PDGFC: variants seen among roughly 807,000 people sequenced by gnomAD.
The protein encoded by PDGFC is platelet derived growth factor C.
A neutral mutation model predicts 35.5 loss-of-function variants in PDGFC; 12 were observed. The ratio of observed to expected loss-of-function variants is 0.34; its 90% CI spans 0.22 to 0.55. The LOEUF is 0.55. Ranked by LOEUF, PDGFC falls within the 20% of genes least tolerant of loss-of-function variation. The pLI, the probability that PDGFC is intolerant of heterozygous loss-of-function variation, is 0.91. For synonymous variants in PDGFC, 159 were observed against 148.8 expected (o/e 1.07, Z -0.50); for missense variants, 322 against 412.4 (o/e 0.78, Z 1.90).
intron 2 of PDGFC, among the ~76,000 whole-genome samples, chr4:156,828,868 C>G (rs1579039538): frequency 1.3e-5 from 2 of 151,942 alleles, no homozygotes; most frequent in African/African-American, 2.4e-5. Flanking sequence ...AATGCAGACT[C>G]CAGAGGCAGA....
At chr4:156,771,990 T>C (rs1441809946) in intron 4 of PDGFC, among the ~76,000 whole-genome samples, 1 of 152,198 alleles carries the variant, frequency 6.6e-6, no homozygotes, top group African/African-American at 2.4e-5. Context: ...TATTTCCAAT[T>C]TCTTGGCCAT....
intron 2 of PDGFC, among the ~76,000 whole-genome samples, chr4:156,828,573 A>G (rs534383511): frequency 2.0e-5 from 3 of 152,258 alleles, no homozygotes; most frequent in African/African-American, 7.2e-5. Flanking sequence ...TTCTTCAGTG[A>G]CCATTATAAA....
At chr4:156,965,488 A>T (rs1732444180) in intron 1 of PDGFC, among the ~76,000 whole-genome samples, 1 of 152,146 alleles carries the variant, frequency 6.6e-6, no homozygotes, top group Admixed American at 6.5e-5. Context: ...AACCTTGACA[A>T]GACAGTGAGG....
At chr4:156,968,460 A>G (rs188866964) in intron 1 of PDGFC, among the ~76,000 whole-genome samples, 1 of 152,304 alleles carries the variant, frequency 6.6e-6, no homozygotes, top group African/African-American at 2.4e-5. Flanking sequence ...ATCATAATTC[A>G]GTATGTGGGC....
chr4:156,886,395 G>A (rs1730376932), intron 1 of PDGFC, among the ~76,000 whole-genome samples: 1 of 152,142 alleles, frequency 6.6e-6, no homozygotes, highest in Non-Finnish European at 1.5e-5. Flanking sequence ...TGTACTTCTA[G>A]TTTAGATTAA....
chr4:156,966,359 G>A (rs1732466593), intron 1 of PDGFC, among the ~76,000 whole-genome samples: 2 of 152,056 alleles, frequency 1.3e-5, no homozygotes, highest in Non-Finnish European at 2.9e-5. Flanking sequence ...ATGAAAATCA[G>A]AGTAAGTAAA....
At chr4:156,791,897 C>CT (rs1731308242) in intron 3 of PDGFC, among the ~76,000 whole-genome samples, 1 of 152,124 alleles carries the variant, frequency 6.6e-6, no homozygotes, top group Non-Finnish European at 1.5e-5. Context: ...AACACCTTGC[C>CT]TAGGATTGGC....
chr4:156,926,121 T>C (rs1008067971), intron 1 of PDGFC, among the ~76,000 whole-genome samples: 1 of 141,172 alleles, frequency 7.1e-6, no homozygotes, highest in African/African-American at 2.6e-5. Context: ...CTAATGTCAA[T>C]AATCTTTTCT....
intron 2 of PDGFC, among the ~76,000 whole-genome samples, chr4:156,848,992 G>C (rs189668058): frequency 1.1e-3 from 165 of 152,088 alleles, no homozygotes; most frequent in African/African-American, 3.7e-3. Flanking sequence ...AAAAGGGATA[G>C]GATTACTTAC....
At chr4:156,964,176 T>C (rs946959433) in intron 1 of PDGFC, among the ~76,000 whole-genome samples, 1 of 151,966 alleles carries the variant, frequency 6.6e-6, no homozygotes, top group South Asian at 2.1e-4. Context: ...AATGTTAAAA[T>C]TATTACCAGA....
intron 2 of PDGFC, among the ~76,000 whole-genome samples, chr4:156,814,282 C>CAGT (rs1287434221): frequency 6.6e-6 from 1 of 152,076 alleles, no homozygotes; most frequent in East Asian, 1.9e-4. Context: ...TTCGAGGAAA[C>CAGT]AGTAACATTT....
At chr4:156,767,486 A>AT (rs3836683) in intron 5 of PDGFC, among the ~76,000 whole-genome samples, 38 of 150,734 alleles carry the variant, frequency 2.5e-4, no homozygotes, top group East Asian at 5.8e-4. Flanking sequence ...AACTTTACTC[A>AT]TTTTTTTTTC....
chr4:156,823,788 C>CATTTCAGCAGTATTCACAGTA (rs1487320968), intron 2 of PDGFC, among the ~76,000 whole-genome samples: 3 of 152,124 alleles, frequency 2.0e-5, no homozygotes, highest in Admixed American at 6.5e-5. Flanking sequence ...CTTCCTTGTT[C>CATTTCAGCAGTATTCACAGTA]ATTTCAGCAG....
intron 2 of PDGFC, among the ~76,000 whole-genome samples, chr4:156,845,533 C>CTA (rs1389201900): frequency 1.3e-5 from 2 of 151,614 alleles, no homozygotes; most frequent in Non-Finnish European, 3.0e-5. Flanking sequence ...TGCCTTTGAA[C>CTA]TATTTTACAA....
intron 1 of PDGFC, among the ~76,000 whole-genome samples, chr4:156,881,727 G>T (rs964506552): frequency 6.6e-6 from 1 of 151,690 alleles, no homozygotes; most frequent in Admixed American, 6.6e-5. Flanking sequence ...CTACCTGGGA[G>T]GCTGAGGAAG....
intron 1 of PDGFC, among the ~76,000 whole-genome samples, chr4:156,878,913 T>C (rs1381547027): frequency 6.6e-6 from 1 of 152,228 alleles, no homozygotes; most frequent in African/African-American, 2.4e-5. Flanking sequence ...GTGTTGACTT[T>C]ATGTGTCCAA....
intron 3 of PDGFC, among the ~76,000 whole-genome samples, chr4:156,777,903 A>G (rs2110835611): frequency 6.6e-6 from 1 of 152,240 alleles, no homozygotes; most frequent in South Asian, 2.1e-4. Context: ...TAGAAGTTCA[A>G]GACCAGCCTG....
chr4:156,765,992 C>A (rs531953947), intron 5 of PDGFC, among the ~76,000 whole-genome samples: 53 of 152,194 alleles, frequency 3.5e-4, no homozygotes, highest in African/African-American at 1.3e-3. Flanking sequence ...GGCACGAGGG[C>A]TAAGCAATTT....
chr4:156,788,588 C>T (rs1429037104), intron 3 of PDGFC, among the ~76,000 whole-genome samples: 1 of 152,172 alleles, frequency 6.6e-6, no homozygotes, highest in Non-Finnish European at 1.5e-5. Flanking sequence ...TAATCATCTT[C>T]TAACCAATTA....
Sources: gnomAD v4.1 joint callset for allele counts (sites outside exome capture counted in the v4.1 genomes callset) on GRCh38, gnomAD v4.1.1 for gene constraint, MANE v1.5 for transcripts, NCBI Gene and HGNC (gene_info 2026-07-23, HGNC 2026-07-21) for gene names.